Variants in DDHD1 observed in about 807,000 individuals in gnomAD.
The protein encoded by DDHD1 is phospholipase DDHD1.
In DDHD1, 49 loss-of-function variants were observed where a neutral mutation model predicts 96.4. That is an observed-to-expected ratio of 0.51 (90% CI 0.40 to 0.64). DDHD1 has a LOEUF of 0.64. Ranked by LOEUF, DDHD1 falls within the 30% of genes least tolerant of loss-of-function variation. DDHD1 has a pLI of 0.00. For missense variants in DDHD1, 1,106 were observed against 1,161.2 expected, an observed-to-expected ratio of 0.95 and a Z score of 0.69; for synonymous variants, 442 against 446.5, an observed-to-expected ratio of 0.99 and a Z score of 0.13.
At chr14:53,080,718 T>TTCC (rs539046472) in intron 4 of DDHD1, among the ~76,000 whole-genome samples, 15,866 of 81,492 alleles carry the variant, frequency 0.19, 3,733 homozygotes, top group African/African-American at 0.51. Flanking sequence ...TCCTTCCCCC[T>TTCC]TTTTTTTTTT....
rs1016831874 is a variant in DDHD1, at chr14:53,045,009, G to C, written c.*1759C>G. 1 of 152,206 alleles carries C rather than the reference G, an allele frequency of 6.6e-6. No homozygotes were observed. The highest frequency in any genetic ancestry group is 2.4e-5 in the African/African-American group (1 of 41,448). 9.4% of individuals were successfully genotyped at this position (152,206 alleles called of 1,614,324 possible). A position where few individuals can be genotyped will look rare whatever the true frequency, so the allele number is the denominator to read the frequency against. On this transcript the variant is annotated 3_prime_UTR_variant, in exon 13 of 13. Coordinates refer to ENST00000673822, the MANE Select transcript of DDHD1 (RefSeq NM_001160148.2). ...TCAGAAGTGAGGGTTGTGTGCAACA[G>C]GGATGGCTACTGATCCCCTCTAGGT...
chr14:53,038,064 A>G lies in DDHD1; in HGVS notation c.*8704T>C, dbSNP rs1297830355. ...AACATATCTCAAAATAATAAGAGCC[A>G]TCTACAACCAACCCACAGACATCAT... On this transcript the variant is annotated 3_prime_UTR_variant, in exon 13 of 13. Transcript: ENST00000673822. 1 of 152,144 alleles carries G rather than the reference A, an allele frequency of 6.6e-6. No homozygotes were observed. The highest frequency in any genetic ancestry group is 1.9e-4 in the East Asian group (1 of 5,194). 9.4% of individuals were successfully genotyped at this position (152,144 alleles called of 1,614,324 possible).
chr14:53,066,138 G>A (rs947840262), intron 6 of DDHD1, among the ~76,000 whole-genome samples: 1 of 152,038 alleles, frequency 6.6e-6, no homozygotes, highest in African/African-American at 2.4e-5. Context: ...TTAAGTGGCA[G>A]GTTTCTGTTG....
intron 1 of DDHD1, among the ~76,000 whole-genome samples, chr14:53,111,314 T>C (rs547615464): frequency 6.6e-6 from 1 of 152,382 alleles, no homozygotes; most frequent in South Asian, 2.1e-4. Context: ...TAGAAAAACA[T>C]ATTCTAAGTT....
At chr14:53,116,671 C>A (rs1888563368) in intron 1 of DDHD1, among the ~76,000 whole-genome samples, 2 of 152,140 alleles carry the variant, frequency 1.3e-5, no homozygotes, top group Admixed American at 1.3e-4. Flanking sequence ...TTCTTTGAAA[C>A]CAATGAGAAC....
intron 2 of DDHD1, among the ~76,000 whole-genome samples, chr14:53,099,378 T>C (rs1163930435): frequency 6.6e-6 from 1 of 152,208 alleles, no homozygotes; most frequent in Non-Finnish European, 1.5e-5. Context: ...CAATCTAGGG[T>C]ACCACATTGC....
intron 1 of DDHD1, among the ~76,000 whole-genome samples, chr14:53,122,916 G>A (rs1474689987): frequency 6.6e-6 from 1 of 151,620 alleles, no homozygotes; most frequent in Admixed American, 6.6e-5. Flanking sequence ...AGTGGTTTCT[G>A]TCTCCTGATT....
At chr14:53,105,951 C>T (rs1411555302) in intron 1 of DDHD1, among the ~76,000 whole-genome samples, 1 of 151,656 alleles carries the variant, frequency 6.6e-6, no homozygotes, top group African/African-American at 2.4e-5. Flanking sequence ...TTCTCTCTCT[C>T]TCTCTCCTGT....
intron 4 of DDHD1, among the ~76,000 whole-genome samples, chr14:53,082,923 A>G (rs1885612510): frequency 6.6e-6 from 1 of 152,134 alleles, no homozygotes; most frequent in African/African-American, 2.4e-5. Flanking sequence ...AACAAGGTCC[A>G]GAAGTCTATA....
intron 1 of DDHD1, among the ~76,000 whole-genome samples, chr14:53,139,799 C>A (rs1566602901): frequency 1.5e-5 from 2 of 135,616 alleles, no homozygotes. Flanking sequence ...AATTATAAGA[C>A]ATACAAAGAA....
intron 12 of DDHD1, 128 bp downstream of exon 12, chr14:53,051,716 T>C (rs182683113): frequency 1.2e-4 from 85 of 700,266 alleles, no homozygotes; most frequent in African/African-American, 5.4e-4. Context: ...ACACATAAAA[T>C]AGTCTGTAAT....
At chr14:53,065,789 C>T (rs894577245) in intron 6 of DDHD1, among the ~76,000 whole-genome samples, 2 of 152,166 alleles carry the variant, frequency 1.3e-5, no homozygotes, top group African/African-American at 4.8e-5. Context: ...TGCATATCTC[C>T]ATTTTAAAGT....
chr14:53,098,152 T>C (rs1887027409), intron 2 of DDHD1, among the ~76,000 whole-genome samples: 1 of 152,034 alleles, frequency 6.6e-6, no homozygotes. Flanking sequence ...TTTAATTTTC[T>C]TTTTTTAAAA....
Position 53,109,688 on chromosome 14 carries a change from C to T in DDHD1, c.839-5832G>A, listed in dbSNP as rs528686205. Among the ~76,000 whole-genome samples, 16 of 152,232 alleles carry T rather than the reference C, an allele frequency of 1.1e-4. 1 individual carries two copies. The East Asian group carries it at 1.9e-3, about 18-fold the overall frequency. On this transcript the variant is annotated intron_variant, in intron 1 of 12. Coordinates refer to ENST00000673822, the MANE Select transcript of DDHD1 (RefSeq NM_001160148.2). Reference sequence around the variant, plus strand: ...GACAGTTGCCATTATCTTCCAGACCCAGAAGCTCATCTCATTTAACAATAA... The same window carrying T: ...GACAGTTGCCATTATCTTCCAGACCTAGAAGCTCATCTCATTTAACAATAA...
chr14:53,064,904 C>A (rs149788406), intron 6 of DDHD1, among the ~76,000 whole-genome samples: 7 of 152,098 alleles, frequency 4.6e-5, no homozygotes, highest in African/African-American at 1.7e-4. Flanking sequence ...TTGTATCCAA[C>A]GAGTTTACTC....
At chr14:53,148,849 G>C (rs1314595489) in intron 1 of DDHD1, among the ~76,000 whole-genome samples, 2 of 152,168 alleles carry the variant, frequency 1.3e-5, no homozygotes, top group East Asian at 3.9e-4. Flanking sequence ...GTTTTTGTGA[G>C]ACCCACATAT....
rs1883733099 is a variant in DDHD1, at chr14:53,063,053, T to C, written c.1656A>G (p.Pro552=). 10 of 1,612,776 alleles carry C rather than the reference T, an allele frequency of 6.2e-6. No homozygotes were observed. The highest frequency in any genetic ancestry group is 8.5e-6 in the Non-Finnish European group (10 of 1,179,380). Residue 552 remains proline, a synonymous_variant, in exon 7 of 13, where the codon CCA becomes CCG. Transcript: ENST00000673822. ...GCAGCAACTGTTCATACAGCCGAAC[T>C]GGATTCCAGCCAGTCATTATGTCAT... is the stretch of plus-strand genomic sequence containing the variant. ...ITYDIMTGWN[P]VRLYEQLLQK...
Position 53,045,627 on chromosome 14 carries a change from C to T in DDHD1, c.*1141G>A, listed in dbSNP as rs533982192. ...GTAACATGAGAACAAGATTTATTTACTTACCTCAAGAAGCTAGTACATGGG... is the reference window on the plus strand; with the variant it reads ...GTAACATGAGAACAAGATTTATTTATTTACCTCAAGAAGCTAGTACATGGG... On this transcript the variant is annotated 3_prime_UTR_variant, in exon 13 of 13. Transcript: ENST00000673822. 8 of 152,308 alleles carry T rather than the reference C, an allele frequency of 5.3e-5. No individual in the cohort carries two copies. The East Asian group carries it at 1.5e-3, about 29-fold the overall frequency. The allele number at this position is 152,308 out of a possible 1,614,324, so 9.4% of individuals were successfully genotyped here.
At chr14:53,057,632 T>C (rs141014664) in intron 9 of DDHD1, among the ~76,000 whole-genome samples, 116 of 152,254 alleles carry the variant, frequency 7.6e-4, no homozygotes, top group African/African-American at 2.6e-3. Flanking sequence ...GGTATTACAA[T>C]TGGTTAAGGT....
Sources: gnomAD v4.1 joint callset for allele counts (sites outside exome capture counted in the v4.1 genomes callset) on GRCh38, gnomAD v4.1.1 for gene constraint, MANE v1.5 for transcripts, NCBI Gene and HGNC (gene_info 2026-07-23, HGNC 2026-07-21) for gene names.